Variants in FREM1 observed in about 807,000 individuals in gnomAD.
FREM1 encodes the protein FRAS1 related extracellular matrix 1, also known as FRAS1-related extracellular matrix protein 1.
A neutral mutation model predicts 210.1 loss-of-function variants in FREM1; 220 were observed. That is an observed-to-expected ratio of 1.05 (90% confidence interval 0.94 to 1.17). The LOEUF (loss-of-function observed/expected upper bound fraction) is 1.17, where lower values mean the gene tolerates loss of function less well. Ranked by LOEUF, FREM1 falls within the 50% of genes most tolerant of loss-of-function variation. FREM1 has a pLI of 0.00. For synonymous variants in FREM1, 1,189 were observed against 980.2 expected, an observed-to-expected ratio of 1.21 and a Z score of -3.98; for missense variants, 3,454 against 2,675.5, an observed-to-expected ratio of 1.29 and a Z score of -6.42.
intron 35 of FREM1, among the ~76,000 whole-genome samples, chr9:14,742,888 C>T (rs1163904653): frequency 1.3e-5 from 2 of 152,018 alleles, no homozygotes; most frequent in Non-Finnish European, 2.9e-5. Flanking sequence ...ACTTAGGGGA[C>T]CTGTTTTAGA....
At chr9:14,810,208 G>T (rs1319773615) in intron 16 of FREM1, among the ~76,000 whole-genome samples, 1 of 152,016 alleles carries the variant, frequency 6.6e-6, no homozygotes, top group Admixed American at 6.6e-5. Context: ...ATGGGGGAGA[G>T]AAATGAAAAG....
chr9:14,909,310 A>G (rs1046498387), intron 1 of FREM1, among the ~76,000 whole-genome samples: 1 of 152,072 alleles, frequency 6.6e-6, no homozygotes, highest in African/African-American at 2.4e-5. Flanking sequence ...CAACAGCACC[A>G]AAGTCTCTGG....
At chr9:14,850,142 C>T (rs1270788251) in intron 6 of FREM1, among the ~76,000 whole-genome samples, 5 of 152,130 alleles carry the variant, frequency 3.3e-5, no homozygotes, top group African/African-American at 1.2e-4. Flanking sequence ...AATCAAGTTG[C>T]TGGTAGTTCT....
intron 10 of FREM1, among the ~76,000 whole-genome samples, chr9:14,825,547 G>GTGTGTGTGTGTGTATATATATATA: frequency 1.3e-3 from 101 of 75,862 alleles, no homozygotes; most frequent in Non-Finnish European, 2.0e-3. Context: ...GTGTGTGTGT[G>GTGTGTGTGTGTGTATATATATATA]TATATATATA....
chr9:14,848,367 C>A (rs1564068565), intron 7 of FREM1, among the ~76,000 whole-genome samples: 1 of 152,178 alleles, frequency 6.6e-6, no homozygotes, highest in Non-Finnish European at 1.5e-5. Context: ...CACTACAGCT[C>A]AATATCACAA....
At position 14,819,393 on chromosome 9, in the gene FREM1, C is replaced by G. The variant is rs1820868185; in HGVS notation, c.2387G>C (p.Ser796Thr). 6.2e-7 allele frequency: 1 copy of G among 1,613,420 alleles called. No homozygotes were observed. The highest frequency in any genetic ancestry group is 8.5e-7 in the Non-Finnish European group (1 of 1,179,614). ...ATCAGAAATTAGAATGTGCTCTGTG[C>G]TGATGATGCTTTGACCTCCCTCAGT... Reference protein sequence around the residue: ...KVTEGGQSIISTEHILISDAD... With the variant: ...KVTEGGQSIITTEHILISDAD... Residue 796 changes from serine (S) to threonine (T), a missense_variant, in exon 14 of 37, where the codon AGC becomes ACC. By Grantham distance (58) the Ser-to-Thr change is moderately conservative. Transcript: ENST00000380880.
At position 14,744,349 on chromosome 9, in the gene FREM1, T is replaced by A. The variant is rs537694199; in HGVS notation, c.6254+2004A>T. ...ACATCTATTTAATAACCACTTACAA[T>A]AAGACATTGAACACTTCTCTTACTT... On this transcript the variant is annotated intron_variant, in intron 35 of 36. Transcript: ENST00000380880. Among the ~76,000 whole-genome samples the A allele has an allele frequency of 1.1e-4, 17 of 152,260 alleles. No homozygotes were observed. The South Asian group carries it at 1.2e-3, about 11-fold the overall frequency.
chr9:14,794,890 T>G (rs969032745), intron 21 of FREM1, among the ~76,000 whole-genome samples: 9 of 151,152 alleles, frequency 6.0e-5, no homozygotes, highest in African/African-American at 2.2e-4. Context: ...CCCAGCTACT[T>G]GGGAGGCTGA....
Position 14,842,467 on chromosome 9 carries a change from C to A in FREM1, c.1587G>T (p.Val529=). Residue 529 remains valine (V), a synonymous_variant, in exon 9 of 37, where the codon GTG becomes GTT. Coordinates refer to ENST00000380880, the MANE Select transcript of FREM1 (RefSeq NM_001379081.2). Reference sequence around the variant, plus strand: ...TGGTCTGCCCCTCCTCCAGTTCAATCACAACATTGGTTATGAGGAACGGGG... The same window carrying A: ...TGGTCTGCCCCTCCTCCAGTTCAATAACAACATTGGTTATGAGGAACGGGG... ...DSPPFLITNV[V]IELEEGQTIL... 4 of 1,614,042 alleles carry A rather than the reference C, an allele frequency of 2.5e-6. No individual in the cohort carries two copies. Among genetic ancestry groups the A allele is most frequent in the Non-Finnish European group, 3.4e-6 (4 of 1,179,898 alleles).
At chr9:14,780,880 C>G (rs190960541) in intron 24 of FREM1, among the ~76,000 whole-genome samples, 162 of 152,320 alleles carry the variant, frequency 1.1e-3, no homozygotes, top group African/African-American at 3.8e-3. Context: ...TTTAGCGCCA[C>G]TTGACAAACA....
Position 14,813,003 on chromosome 9 carries a change from C to CA in FREM1, c.2701dup (p.Cys901LeufsTer12). 6.2e-7 allele frequency: 1 copy of CA among 1,613,840 alleles called. No homozygotes were observed. Among genetic ancestry groups the CA allele is most frequent in the Non-Finnish European group, 8.5e-7 (1 of 1,179,782 alleles). On this transcript the variant is annotated frameshift_variant, in exon 16 of 37. Transcript: ENST00000380880. LOFTEE classifies it high-confidence loss of function. ...GATGACCACCTCTCCTCCCTCTGAG[C>CA]AATTCATGACAGGCATGAGGTCAGC... is the stretch of plus-strand genomic sequence containing the variant.
At chr9:14,908,433 G>A (rs1040893666) in intron 1 of FREM1, among the ~76,000 whole-genome samples, 4 of 152,160 alleles carry the variant, frequency 2.6e-5, no homozygotes, top group Non-Finnish European at 5.9e-5. Context: ...AGCCATGCGG[G>A]GGCAGATCAG....
intron 7 of FREM1, among the ~76,000 whole-genome samples, chr9:14,846,657 G>A (rs1826677473): frequency 6.6e-6 from 1 of 152,164 alleles, no homozygotes; most frequent in Admixed American, 6.5e-5. Context: ...CAAGAAACTG[G>A]AATGTAGCTT....
Position 14,801,790 on chromosome 9 carries a change from T to C in FREM1, c.3556A>G (p.Ser1186Gly), listed in dbSNP as rs1817339716. The change falls in exon 20 of 37, where the codon AGC becomes GGC. Residue 1186 changes from serine to glycine, a missense_variant. Transcript: ENST00000380880. The part of the protein sequence containing the change: ...LDIPQDALLF[S>G]ITQKPRHGLL... ...CCATGGCGTGGCTTTTGAGTGATGC[T>C]GAACAGCAGGGCATCCTGGGGAATG... 6.2e-7 allele frequency: 1 copy of C among 1,613,994 alleles called. No individual in the cohort carries two copies. The highest frequency in any genetic ancestry group is 8.5e-7 in the Non-Finnish European group (1 of 1,179,886).
chr9:14,863,528 T>A (rs17312753), intron 3 of FREM1, among the ~76,000 whole-genome samples: 41,655 of 151,834 alleles, frequency 0.27, 6,482 homozygotes, highest in East Asian at 0.7. Context: ...AAGTGGTGGG[T>A]TGGAACACCA....
intron 24 of FREM1, among the ~76,000 whole-genome samples, chr9:14,779,765 A>AAT (rs1032993755): frequency 6.6e-6 from 1 of 152,186 alleles, no homozygotes; most frequent in African/African-American, 2.4e-5. Context: ...AAGAGTAAGA[A>AAT]ATATGTTTTC....
chr9:14,789,455 G>T (rs900372347), intron 22 of FREM1, among the ~76,000 whole-genome samples: 1 of 151,986 alleles, frequency 6.6e-6, no homozygotes, highest in Admixed American at 6.5e-5. Flanking sequence ...CTCTTGGAAG[G>T]GATTCTTTAG....
At chr9:14,767,024 C>G (rs1846550441) in intron 27 of FREM1, among the ~76,000 whole-genome samples, 1 of 152,156 alleles carries the variant, frequency 6.6e-6, no homozygotes, top group Non-Finnish European at 1.5e-5. Flanking sequence ...ACACAAGATG[C>G]TTTCATATAC....
At position 14,859,284 on chromosome 9, in the gene FREM1, G is replaced by A; in HGVS notation, c.530C>T (p.Thr177Ile). 1.2e-6 allele frequency: 2 copies of A among 1,613,830 alleles called. No individual in the cohort carries two copies. Among genetic ancestry groups the A allele is most frequent in the Non-Finnish European group, 1.7e-6 (2 of 1,179,828 alleles). ...ASLECTVSLDTARTRLPAHGQ... is the reference protein window; with the variant it reads ...ASLECTVSLDIARTRLPAHGQ... The stretch of plus-strand genomic sequence containing the variant: ...ATGGGCTGGCAGCCGAGTTCTCGCA[G>A]TGTCCAGGCTGACGGTACATTCCAG... Residue 177 changes from threonine (T) to isoleucine (I), a missense_variant, in exon 4 of 37, where the codon ACT (threonine) becomes ATT (isoleucine). Thr to Ile is a moderately conservative substitution (Grantham distance 89). Transcript: ENST00000380880.
Sources: allele counts gnomAD v4.1 joint callset (sites outside exome capture counted in the v4.1 genomes callset), GRCh38; gene constraint gnomAD v4.1.1; transcripts MANE v1.5; gene names NCBI Gene and HGNC (gene_info 2026-07-23, HGNC 2026-07-21).